EXOC2: variants seen among roughly 807,000 people sequenced by gnomAD.
EXOC2 encodes SEC5-like 1.
In EXOC2, 70 loss-of-function variants were observed where a neutral mutation model predicts 131.8. The observed-to-expected ratio is 0.53, with a 90% CI of 0.44 to 0.65. The LOEUF is 0.65. EXOC2 is among the 30% of genes least tolerant of loss of function. EXOC2 has a pLI of 0.00. For missense variants in EXOC2, 923 were observed against 1,108.6 expected (o/e 0.83, Z 2.38); for synonymous variants, 411 against 398.4 (o/e 1.03, Z -0.38).
chr6:575,082 G>A (rs761966023), intron 12 of EXOC2, among the ~76,000 whole-genome samples: 3 of 152,240 alleles, frequency 2.0e-5, no homozygotes, highest in Non-Finnish European at 1.5e-5. Flanking sequence ...CCCCAATGTT[G>A]CAGGAGGGCC....
rs752590041 is a variant in EXOC2 at position 592,485 on chromosome 6, G to A, written c.1176C>T (p.Tyr392=). 2.5e-6 allele frequency: 4 copies of A among 1,613,592 alleles called. No homozygotes were observed. Among genetic ancestry groups the A allele is most frequent in the African/African-American group, 1.3e-5 (1 of 74,984 alleles). ...AATCCTTGCCTTTCAGATCTTTCAC[G>A]TAGCCCTCTTTGCAACTGTGCATGA... The part of the protein sequence containing the change: ...LQLMHSCKEG[Y]VKDLKGNPGL... Residue 392 remains tyrosine, a synonymous_variant, in exon 11 of 28, where the codon TAC becomes TAT. Coordinates refer to ENST00000230449, the MANE Select transcript of EXOC2 (RefSeq NM_018303.6).
At chr6:642,356 A>C (rs1762393444) in intron 1 of EXOC2, among the ~76,000 whole-genome samples, 1 of 152,226 alleles carries the variant, frequency 6.6e-6, no homozygotes, top group Non-Finnish European at 1.5e-5. Context: ...TGACATGCTC[A>C]TGTCAGGACT....
chr6:564,198 G>A (rs773431990), intron 15 of EXOC2, 44 bp from the exon 16 acceptor site: 13 of 1,600,852 alleles, frequency 8.1e-6, no homozygotes, highest in Admixed American at 1.7e-5. Flanking sequence ...GAGTGGGATC[G>A]CAAAGCAATC....
intron 26 of EXOC2, 117 bp downstream of exon 26, chr6:491,008 A>T (rs1289033412): frequency 1.8e-5 from 19 of 1,057,678 alleles, no homozygotes; most frequent in Non-Finnish European, 2.9e-6. Context: ...AAACTTTATC[A>T]CATCACAAAT....
intron 17 of EXOC2, among the ~76,000 whole-genome samples, chr6:559,879 C>T (rs1205506335): frequency 6.6e-6 from 1 of 152,132 alleles, no homozygotes; most frequent in East Asian, 1.9e-4. Context: ...AGGAATAGGA[C>T]CCTGACAGCA....
chr6:557,562 G>A (rs1446133936), intron 17 of EXOC2, among the ~76,000 whole-genome samples: 1 of 140,950 alleles, frequency 7.1e-6, no homozygotes, highest in African/African-American at 2.6e-5. Context: ...AGGTTGCAGT[G>A]AGCCAAGATT....
chr6:682,407 A>G (rs566864511), intron 1 of EXOC2, among the ~76,000 whole-genome samples: 5 of 152,084 alleles, frequency 3.3e-5, no homozygotes, highest in Middle Eastern at 6.8e-3. Context: ...TCTCTGTGTT[A>G]GCCAGGATGG....
chr6:619,181 T>C (rs1033477), intron 5 of EXOC2, among the ~76,000 whole-genome samples: 145,017 of 152,280 alleles, frequency 0.95, 69,141 homozygotes, highest in East Asian at 1. Context: ...ATAACCTGCA[T>C]CAATAATGAA....
chr6:585,450 G>A (rs957087391), intron 11 of EXOC2, among the ~76,000 whole-genome samples: 1 of 152,132 alleles, frequency 6.6e-6, no homozygotes, highest in African/African-American at 2.4e-5. Flanking sequence ...CTACAAAAAC[G>A]AGTCCAGACA....
At chr6:661,557 G>T (rs1445231069) in intron 1 of EXOC2, among the ~76,000 whole-genome samples, 4 of 152,052 alleles carry the variant, frequency 2.6e-5, no homozygotes, top group Non-Finnish European at 4.4e-5. Context: ...CATATATGAA[G>T]GAAAGATACA....
At chr6:510,954 C>A (rs1299279471) in intron 23 of EXOC2, among the ~76,000 whole-genome samples, 2 of 152,196 alleles carry the variant, frequency 1.3e-5, no homozygotes, top group Non-Finnish European at 2.9e-5. Context: ...GGACATACTA[C>A]TTCATAAACA....
intron 4 of EXOC2, among the ~76,000 whole-genome samples, chr6:619,757 T>C (rs1761192827): frequency 6.6e-6 from 1 of 152,174 alleles, no homozygotes; most frequent in African/African-American, 2.4e-5. Flanking sequence ...TGATTTTATA[T>C]AGAAAAGATA....
chr6:517,785 T>C lies in EXOC2; in HGVS notation c.2380+14684A>G, dbSNP rs538236717. Reference sequence around the variant, plus strand: ...AATATAAAATCAAACCTCAAACTGATAGCTTCATTATTAACCACAAATTTA... The same window carrying C: ...AATATAAAATCAAACCTCAAACTGACAGCTTCATTATTAACCACAAATTTA... On this transcript the variant is annotated intron_variant, in intron 23 of 27. Coordinates refer to ENST00000230449, the MANE Select transcript of EXOC2 (RefSeq NM_018303.6). Among the ~76,000 whole-genome samples the C allele has an allele frequency of 2.6e-4, 40 of 152,330 alleles. 1 individual carries two copies. In the South Asian group the frequency reaches 8.3e-3, roughly 32 times the overall value.
chr6:673,869 G>T (rs1243112726), intron 1 of EXOC2, among the ~76,000 whole-genome samples: 1 of 152,134 alleles, frequency 6.6e-6, no homozygotes, highest in Non-Finnish European at 1.5e-5. Context: ...GAAAAATGAT[G>T]CTGAGACACT....
rs1757888422 is a variant in EXOC2 at position 564,855 on chromosome 6, C to A, written c.1509+9G>T. Reference sequence around the variant, plus strand: ...TGAAAAGGTCTACATACTTATCACCCTTACTCACCTTAAAATCATTTTGTC... The same window carrying A: ...TGAAAAGGTCTACATACTTATCACCATTACTCACCTTAAAATCATTTTGTC... On this transcript the variant is annotated intron_variant, in intron 14 of 27. Transcript: ENST00000230449. The A allele has an allele frequency of 6.2e-7, 1 of 1,612,498 alleles. No homozygotes were observed. Among genetic ancestry groups the A allele is most frequent in the Non-Finnish European group, 8.5e-7 (1 of 1,179,514 alleles).
At chr6:489,464 G>A (rs1443720127) in intron 26 of EXOC2, among the ~76,000 whole-genome samples, 1 of 152,206 alleles carries the variant, frequency 6.6e-6, no homozygotes, top group African/African-American at 2.4e-5. Flanking sequence ...GGCCTGCACA[G>A]GGCCTGATCT....
At chr6:546,024 A>G (rs189442436) in intron 22 of EXOC2, among the ~76,000 whole-genome samples, 115 of 152,336 alleles carry the variant, frequency 7.5e-4, no homozygotes, top group African/African-American at 2.6e-3. Context: ...ATATTTTTAT[A>G]ACATATAGAT....
At chr6:631,929 A>G (rs931164142) in intron 3 of EXOC2, among the ~76,000 whole-genome samples, 2 of 152,210 alleles carry the variant, frequency 1.3e-5, no homozygotes, top group African/African-American at 4.8e-5. Context: ...TGCTGCAGAA[A>G]GCCTCTATGC....
At chr6:656,273 C>T (rs765899948) in intron 1 of EXOC2, 4 of 1,614,238 alleles carry the variant, frequency 2.5e-6, no homozygotes, top group Non-Finnish European at 3.4e-6. Context: ...GCACCATGCT[C>T]TCCAGGTCTC....
Sources: gnomAD v4.1 joint callset for allele counts (sites outside exome capture counted in the v4.1 genomes callset) on GRCh38, gnomAD v4.1.1 for gene constraint, MANE v1.5 for transcripts, NCBI Gene and HGNC (gene_info 2026-07-23, HGNC 2026-07-21) for gene names.